Variants in EPB41 observed in about 807,000 individuals in gnomAD.
EPB41 encodes erythrocyte membrane protein band 4.1.
A neutral mutation model predicts 108.0 loss-of-function variants in EPB41; 65 were observed. The ratio of observed to expected loss-of-function variants is 0.60; its 90% CI spans 0.49 to 0.74. The LOEUF (loss-of-function observed/expected upper bound fraction) is 0.74. Among genes scored for constraint, EPB41 ranks in the 30% least tolerant of loss-of-function variants. The pLI, the probability that EPB41 is intolerant of heterozygous loss-of-function variation, is 0.00. For missense variants in EPB41, 875 were observed against 1,037.0 expected, an observed-to-expected ratio of 0.84 and a Z score of 2.15; for synonymous variants, 336 against 358.9, an observed-to-expected ratio of 0.94 and a Z score of 0.72.
At chr1:29,006,614 A>G (rs2096407489) in intron 4 of EPB41, among the ~76,000 whole-genome samples, 1 of 151,948 alleles carries the variant, frequency 6.6e-6, no homozygotes, top group African/African-American at 2.4e-5. Context: ...GAACTCTAAA[A>G]TCCCCTATTG....
At chr1:28,901,077 C>G (rs772771045) in intron 1 of EPB41, among the ~76,000 whole-genome samples, 14 of 149,866 alleles carry the variant, frequency 9.3e-5, no homozygotes, top group Non-Finnish European at 1.6e-4. Flanking sequence ...TTATAGGTGC[C>G]TGCCACCAAG....
At chr1:28,999,646 G>A (rs777837482) in intron 4 of EPB41, among the ~76,000 whole-genome samples, 1 of 152,226 alleles carries the variant, frequency 6.6e-6, no homozygotes, top group Non-Finnish European at 1.5e-5. Context: ...AAGCCATTCA[G>A]CAGAAGAAAT....
At chr1:28,951,445 A>T (rs1427327331) in intron 1 of EPB41, among the ~76,000 whole-genome samples, 1 of 152,104 alleles carries the variant, frequency 6.6e-6, no homozygotes, top group Non-Finnish European at 1.5e-5. Context: ...AAGGGACTAC[A>T]GTAATGGAGT....
intron 1 of EPB41, among the ~76,000 whole-genome samples, chr1:28,960,797 C>T (rs2095178223): frequency 6.6e-6 from 1 of 151,738 alleles, no homozygotes; most frequent in African/African-American, 2.4e-5. Context: ...CTTTGGGAGG[C>T]CGAGGCGGGT....
At chr1:28,956,711 A>G (rs1282876937) in intron 1 of EPB41, among the ~76,000 whole-genome samples, 1 of 152,220 alleles carries the variant, frequency 6.6e-6, no homozygotes, top group Admixed American at 6.5e-5. Flanking sequence ...AGTAAGAATC[A>G]TCTAAAATAT....
At chr1:28,890,763 C>A (rs748768821) in intron 1 of EPB41, 2 of 201,398 alleles carry the variant, frequency 9.9e-6, no homozygotes, top group Non-Finnish European at 1.8e-5. Flanking sequence ...GGGAGCTGAA[C>A]AGACTTGACC....
intron 2 of EPB41, chr1:28,989,326 C>T: frequency 5.6e-6 from 5 of 888,010 alleles, no homozygotes; most frequent in Non-Finnish European, 6.7e-6. Context: ...GTAACTCAGA[C>T]TATTTTCTGA....
intron 16 of EPB41, among the ~76,000 whole-genome samples, chr1:29,084,258 A>G (rs886968848): frequency 2.6e-5 from 4 of 152,230 alleles, no homozygotes; most frequent in Non-Finnish European, 2.9e-5. Flanking sequence ...AGTTTAATGA[A>G]TCACTTTTCC....
chr1:29,081,574 G>A (rs1247080461), intron 16 of EPB41, among the ~76,000 whole-genome samples: 3 of 152,082 alleles, frequency 2.0e-5, no homozygotes, highest in Non-Finnish European at 2.9e-5. Context: ...TGTGGCTCAC[G>A]CCTGTAATCC....
chr1:29,035,485 A>G (rs535180900), intron 9 of EPB41, among the ~76,000 whole-genome samples: 3 of 152,244 alleles, frequency 2.0e-5, no homozygotes, highest in East Asian at 3.9e-4. Context: ...TCCCAAATGC[A>G]GATAGTGACT....
rs2096074073 is a variant in EPB41 at position 28,993,532 on chromosome 1, G to T, written c.671G>T (p.Cys224Phe). ...VSLLDDTVYE[C>F]VVEKHAKGQD... ...TTGTTGGATGACACAGTTTATGAAT[G>T]TGTTGTGGAGGTGAGTATGTTTTCA... The change falls in exon 3 of 21, where the codon TGT becomes TTT. Residue 224 changes from cysteine to phenylalanine, a missense_variant. This residue lies in a region of EPB41 where 353 missense variants were observed against 393.2 expected (regional missense o/e 0.90). Coordinates refer to ENST00000343067, the MANE Select transcript of EPB41 (RefSeq NM_001376013.1). 1.2e-6 allele frequency: 2 copies of T among 1,614,012 alleles called. No individual in the cohort carries two copies. The highest frequency in any genetic ancestry group is 1.7e-6 in the Non-Finnish European group (2 of 1,179,974).
Position 28,914,667 on chromosome 1 carries a change from G to C in EPB41, c.-109G>C, listed in dbSNP as rs1036786846. ...AGCCAGCAGCAGCCGGCGGGCCCGC[G>C]AGCCGCAGAGGGCCCGAGCCTCGGA... On this transcript the variant is annotated 5_prime_UTR_variant, in exon 1 of 21. Coordinates refer to ENST00000343067, the MANE Select transcript of EPB41 (RefSeq NM_001376013.1). 3 of 151,950 alleles carry C rather than the reference G, an allele frequency of 2.0e-5. No individual in the cohort carries two copies. The highest frequency in any genetic ancestry group is 4.4e-5 in the Non-Finnish European group (3 of 67,922). The allele number at this position is 151,950 out of a possible 1,614,324, so 9.4% of individuals were successfully genotyped here.
intron 4 of EPB41, among the ~76,000 whole-genome samples, chr1:29,009,234 A>G (rs983658971): frequency 3.9e-5 from 6 of 152,052 alleles, no homozygotes; most frequent in Admixed American, 1.3e-4. Context: ...AAATTAAACA[A>G]TTTAAATTGA....
intron 1 of EPB41, among the ~76,000 whole-genome samples, chr1:28,952,810 C>T (rs762762504): frequency 1.3e-5 from 2 of 152,024 alleles, no homozygotes; most frequent in Admixed American, 1.3e-4. Flanking sequence ...AAATTTCTTG[C>T]GTAAATTTAG....
At chr1:29,030,690 C>G (rs1023852077) in intron 8 of EPB41, among the ~76,000 whole-genome samples, 1 of 151,778 alleles carries the variant, frequency 6.6e-6, no homozygotes, top group African/African-American at 2.4e-5. Flanking sequence ...GCGGGAGGAT[C>G]ACTTGAGTCC....
At chr1:28,978,418 C>A (rs758659729) in intron 1 of EPB41, among the ~76,000 whole-genome samples, 3 of 151,520 alleles carry the variant, frequency 2.0e-5, no homozygotes, top group Non-Finnish European at 4.4e-5. Context: ...AAATCACAAT[C>A]ACAGGGTAGT....
At chr1:29,046,111 A>AT (rs377644509) in intron 11 of EPB41, among the ~76,000 whole-genome samples, 2 of 151,652 alleles carry the variant, frequency 1.3e-5, no homozygotes, top group South Asian at 2.1e-4. Flanking sequence ...TACTAAAAAA[A>AT]TTTTTTTTTA....
chr1:28,944,126 T>C (rs2094406778), intron 1 of EPB41, among the ~76,000 whole-genome samples: 1 of 152,248 alleles, frequency 6.6e-6, no homozygotes, highest in South Asian at 2.1e-4. Context: ...AAACTCCTCA[T>C]GTTTTTACTT....
At chr1:29,042,074 G>T (rs138826953) in intron 11 of EPB41, among the ~76,000 whole-genome samples, 1 of 152,170 alleles carries the variant, frequency 6.6e-6, no homozygotes, top group East Asian at 1.9e-4. Flanking sequence ...CCTCTCATGA[G>T]ATATGTAGAC....
Sources: gnomAD v4.1 joint callset for allele counts (sites outside exome capture counted in the v4.1 genomes callset) on GRCh38, gnomAD v4.1.1 for gene constraint, gnomAD v4.1.1 regional missense constraint, MANE v1.5 for transcripts, NCBI Gene and HGNC (gene_info 2026-07-23, HGNC 2026-07-21) for gene names.